The following HCFC2 variants were observed in gnomAD, a reference collection of about 807,000 sequenced individuals.
HCFC2 encodes host cell factor 2.
In HCFC2, 18 loss-of-function variants were observed where a neutral mutation model predicts 89.2. The ratio of observed to expected loss-of-function variants is 0.20; its 90% CI spans 0.14 to 0.30. HCFC2 has a LOEUF of 0.30. HCFC2 is among the 10% of genes least tolerant of loss of function. The pLI is 1.00. For missense variants in HCFC2, 578 were observed against 956.1 expected (o/e 0.60, Z 5.21); for synonymous variants, 308 against 335.7 (o/e 0.92, Z 0.90).
chr12:104,069,525 TAAAAA>T (rs376922435), intron 3 of HCFC2, among the ~76,000 whole-genome samples: 3 of 140,458 alleles, frequency 2.1e-5, no homozygotes, highest in Non-Finnish European at 1.6e-5. Flanking sequence ...CCTTTTTTGT[TAAAAA>T]AAAAAAAAAA....
rs745498802 is a variant in HCFC2 at position 104,079,525 on chromosome 12, T to C, written c.554T>C (p.Val185Ala). The C allele has an allele frequency of 3.1e-6, 5 of 1,613,870 alleles. No homozygotes were observed. The Admixed American group carries it at 6.7e-5, about 22-fold the overall frequency. ...TGGAGCATTCCAGTGACTAAAGGGG[T>C]TGTGCCTTCTCCAAGAGAATCCCAC... ...VGWSIPVTKG[V>A]VPSPRESHTA... is the part of the protein sequence containing the mutation. Residue 185 changes from valine to alanine, a missense_variant, in exon 4 of 15, where the codon GTT (valine) becomes GCT (alanine). Val to Ala is a moderately conservative substitution (Grantham distance 64, BLOSUM62 0). This residue lies in a region of HCFC2 where 206 missense variants were observed against 419.2 expected (regional missense o/e 0.49). Transcript: ENST00000229330.
chr12:104,085,875 A>G (rs912402755), intron 7 of HCFC2, among the ~76,000 whole-genome samples: 4 of 149,736 alleles, frequency 2.7e-5, no homozygotes, highest in African/African-American at 9.9e-5. Flanking sequence ...ATGATTCTTT[A>G]CTTCCATATC....
At chr12:104,101,590 C>T (rs371488269) in intron 13 of HCFC2, among the ~76,000 whole-genome samples, 6 of 152,256 alleles carry the variant, frequency 3.9e-5, no homozygotes, top group East Asian at 3.9e-4. Context: ...TATTATTTGA[C>T]GGTATATCTT....
In HCFC2 at chr12:104,092,654, A is replaced by G. The variant is rs1443962046; in HGVS notation, c.1285-732A>G. ...CCAGGCATGGTGGTGGGCACCTGTA[A>G]TCCCAGCTACTTGGGAGACTGAGGC... is the stretch of plus-strand genomic sequence containing the variant. On this transcript the variant is annotated intron_variant, in intron 9 of 14. Transcript: ENST00000229330. Among the ~76,000 whole-genome samples the G allele has an allele frequency of 5.9e-5, 9 of 151,706 alleles. No homozygotes were observed. In the East Asian group the frequency reaches 1.7e-3, roughly 29 times the overall value.
rs1384015100 is a variant in HCFC2, at chr12:104,093,469, A to G, written c.1368A>G (p.Ala456=). Residue 456 remains alanine, a synonymous_variant, in exon 10 of 15, where the codon GCA becomes GCG. Transcript: ENST00000229330. ...TSMKNKPDFK[A]LTDSNAILYP... The stretch of plus-strand genomic sequence containing the variant: ...TGAAAAACAAACCAGACTTTAAAGC[A>G]CTGACGGATTCTAATGCCATTTTAT... 6 of 1,613,472 alleles carry G rather than the reference A, an allele frequency of 3.7e-6. No individual in the cohort carries two copies. Among genetic ancestry groups the G allele is most frequent in the Non-Finnish European group, 3.4e-6 (4 of 1,179,592 alleles).
At chr12:104,091,939 A>T (rs1367165997) in intron 9 of HCFC2, among the ~76,000 whole-genome samples, 1 of 152,242 alleles carries the variant, frequency 6.6e-6, no homozygotes, top group Non-Finnish European at 1.5e-5. Context: ...ACTTATAAAC[A>T]GTAGCACCAC....
chr12:104,088,489 A>G (rs1165857877), intron 9 of HCFC2, among the ~76,000 whole-genome samples: 1 of 152,252 alleles, frequency 6.6e-6, no homozygotes, highest in Non-Finnish European at 1.5e-5. Flanking sequence ...GAAGAATATC[A>G]GTTACTAAAT....
At chr12:104,078,123 C>T (rs929686178) in intron 3 of HCFC2, among the ~76,000 whole-genome samples, 1 of 152,020 alleles carries the variant, frequency 6.6e-6, no homozygotes, top group African/African-American at 2.4e-5. Flanking sequence ...CTCAGCCTCC[C>T]GAGTAGCTGG....
intron 3 of HCFC2, among the ~76,000 whole-genome samples, chr12:104,074,238 A>C (rs539600633): frequency 2.6e-5 from 4 of 152,330 alleles, no homozygotes; most frequent in Admixed American, 2.0e-4. Context: ...TCCTAGGCTC[A>C]GACAGTCCCC....
intron 3 of HCFC2, among the ~76,000 whole-genome samples, chr12:104,072,498 A>G (rs1023008667): frequency 7.2e-5 from 11 of 152,192 alleles, no homozygotes; most frequent in African/African-American, 2.4e-4. Context: ...ATTCATGAAC[A>G]TGGGATGTTT....
At chr12:104,101,349 G>A (rs1434199005) in intron 13 of HCFC2, among the ~76,000 whole-genome samples, 1 of 152,216 alleles carries the variant, frequency 6.6e-6, no homozygotes, top group South Asian at 2.1e-4. Context: ...GTTGGGTGTG[G>A]TGGCAGGCAT....
chr12:104,084,688 A>G (rs1593601818), intron 7 of HCFC2, among the ~76,000 whole-genome samples: 1 of 152,226 alleles, frequency 6.6e-6, no homozygotes, highest in Non-Finnish European at 1.5e-5. Context: ...TGGCAGTTGT[A>G]TGGAAAAAAT....
At chr12:104,101,627 T>C (rs1593614203) in intron 13 of HCFC2, among the ~76,000 whole-genome samples, 2 of 152,248 alleles carry the variant, frequency 1.3e-5, no homozygotes, top group Non-Finnish European at 2.9e-5. Context: ...AAGATAAGTT[T>C]ACATGATGAT....
Position 104,068,202 on chromosome 12 carries a change from TA to T in HCFC2, c.473+96del. On this transcript the variant is annotated intron_variant, in intron 3 of 14. Coordinates refer to ENST00000229330, the MANE Select transcript of HCFC2 (RefSeq NM_013320.3). The surrounding 1 kb of genome is among the most constrained non-coding windows in gnomAD (Gnocchi z 4.1). ...TTTAATTTTTAAAAGGGATGATGCTTAGCTTTTTGCATTTCAACCTAACAGT... is the reference window on the plus strand; with the variant it reads ...TTTAATTTTTAAAAGGGATGATGCTTGCTTTTTGCATTTCAACCTAACAGT... 9.0e-7 allele frequency: 1 copy of T among 1,106,082 alleles called. No homozygotes were observed. The highest frequency in any genetic ancestry group is 1.3e-6 in the Non-Finnish European group (1 of 799,846). 68.5% of individuals were successfully genotyped at this position (1,106,082 alleles called of 1,614,324 possible).
At chr12:104,084,538 G>C (rs141055597) in intron 7 of HCFC2, among the ~76,000 whole-genome samples, 1 of 152,168 alleles carries the variant, frequency 6.6e-6, no homozygotes, top group Non-Finnish European at 1.5e-5. Flanking sequence ...AGGAATGGAG[G>C]TTAGAGAGAT....
rs897148736 is a variant in HCFC2 at position 104,093,541 on chromosome 12, G to A, written c.1440G>A (p.Val480=). 6.2e-7 allele frequency: 1 copy of A among 1,609,322 alleles called. No individual in the cohort carries two copies. The highest frequency in any genetic ancestry group is 8.5e-7 in the Non-Finnish European group (1 of 1,178,184). The part of the protein sequence containing the change: ...SNASNHNSHV[V]DMLRKNEGPH... The stretch of plus-strand genomic sequence containing the variant: ...CTTCTAATCATAATAGTCATGTGGT[G>A]GATATGCTAAGGAAAAATGAAGGTA... The change falls in exon 10 of 15, where the codon GTG becomes GTA. Residue 480 remains valine, a synonymous_variant. Coordinates refer to ENST00000229330, the MANE Select transcript of HCFC2 (RefSeq NM_013320.3).
rs1321807053 is a variant in HCFC2, at chr12:104,103,599, A to G, written c.*326A>G. 1 of 246,420 alleles carries G rather than the reference A, an allele frequency of 4.1e-6. No homozygotes were observed. Among genetic ancestry groups the G allele is most frequent in the Non-Finnish European group, 7.9e-6 (1 of 127,196 alleles). 15.3% of individuals were successfully genotyped at this position (246,420 alleles called of 1,614,324 possible). A position where few individuals can be genotyped will look rare whatever the true frequency, so the allele number is the denominator to read the frequency against. ...TGTGTAACCCAGTCATCCTAGAGTT[A>G]TTGAGATGATTCTGGTAACTGGCTG... On this transcript the variant is annotated 3_prime_UTR_variant, in exon 15 of 15. Transcript: ENST00000229330.
intron 9 of HCFC2, among the ~76,000 whole-genome samples, chr12:104,092,611 A>G (rs934461203): frequency 1.4e-4 from 22 of 152,190 alleles, no homozygotes; most frequent in Admixed American, 4.6e-4. Flanking sequence ...TGTCTCTACT[A>G]AAAATATAAA....
rs568574121 is a variant in HCFC2 at position 104,087,841 on chromosome 12, A to G, written c.1232-145A>G. ...ATTTTTCCAGAGAGGATTTCAGTCAACTTAAGCAAACTATTAAGAAAACAT... is the reference window on the plus strand; with the variant it reads ...ATTTTTCCAGAGAGGATTTCAGTCAGCTTAAGCAAACTATTAAGAAAACAT... On this transcript the variant is annotated intron_variant, in intron 8 of 14. Coordinates refer to ENST00000229330, the MANE Select transcript of HCFC2 (RefSeq NM_013320.3). 468 of 413,994 alleles carry G rather than the reference A, an allele frequency of 1.1e-3. 1 individual carries two copies. In the Middle Eastern group the frequency reaches 0.017, roughly 15 times the overall value. 25.6% of individuals were successfully genotyped at this position (413,994 alleles called of 1,614,324 possible). A position where few individuals can be genotyped will look rare whatever the true frequency, so the allele number is the denominator to read the frequency against.
Sources: gnomAD v4.1 joint callset for allele counts (sites outside exome capture counted in the v4.1 genomes callset) on GRCh38, gnomAD v4.1.1 for gene constraint, gnomAD v4.1.1 regional missense constraint, Gnocchi (gnomAD v3.1) non-coding constraint, MANE v1.5 for transcripts, NCBI Gene and HGNC (gene_info 2026-07-23, HGNC 2026-07-21) for gene names.